The following C4orf36 variants were observed in gnomAD, a reference collection of about 807,000 sequenced individuals.
C4orf36 encodes uncharacterized protein C4orf36.
In C4orf36, 11 loss-of-function variants were observed where a neutral mutation model predicts 12.2. The observed-to-expected ratio is 0.90, with a 90% CI of 0.57 to 1.49. The LOEUF is 1.49. Among genes scored for constraint, C4orf36 ranks in the 40% most tolerant of loss-of-function variants. C4orf36 has a pLI of 0.00. For synonymous variants in C4orf36, 54 were observed against 51.3 expected (o/e 1.05, Z -0.22); for missense variants, 137 against 133.9 (o/e 1.02, Z -0.11).
the C4orf36 span, among the ~76,000 whole-genome samples, chr4:86,915,655 T>A: frequency 6.6e-6 from 1 of 152,062 alleles, no homozygotes; most frequent in East Asian, 1.9e-4. Flanking sequence ...GACATGGTGG[T>A]GCATGCCTGT....
the C4orf36 span, chr4:86,934,824 C>A: frequency 6.6e-6 from 1 of 152,234 alleles, no homozygotes; most frequent in Non-Finnish European, 1.5e-5. Context: ...AGCTGCCGCT[C>A]CCCCACGATC....
At chr4:86,878,115 T>TA (rs1181624444) in intron 4 of C4orf36, among the ~76,000 whole-genome samples, 6 of 151,946 alleles carry the variant, frequency 3.9e-5, no homozygotes, top group African/African-American at 7.3e-5. Flanking sequence ...TCAGATTCTC[T>TA]AAAAAAATTG....
At chr4:86,893,373 A>C (rs907168199), upstream of C4orf36, among the ~76,000 whole-genome samples, 2 of 152,164 alleles carry the variant, frequency 1.3e-5, no homozygotes, top group Non-Finnish European at 2.9e-5. Context: ...CACGAGGTCA[A>C]GGGGTTCGAG....
chr4:86,893,534 C>G (rs974605196), upstream of C4orf36, among the ~76,000 whole-genome samples: 1 of 150,948 alleles, frequency 6.6e-6, no homozygotes, highest in Non-Finnish European at 1.5e-5. Flanking sequence ...TGCAGTGAGC[C>G]GAGATGGCGC....
At chr4:86,900,971 T>C in the C4orf36 span, among the ~76,000 whole-genome samples, 1 of 150,818 alleles carries the variant, frequency 6.6e-6, no homozygotes, top group African/African-American at 2.4e-5. Flanking sequence ...TCTGCTCAAA[T>C]CCTGCAGTGG....
At position 86,888,227 on chromosome 4, in the gene C4orf36, GT is replaced by G. The variant is rs751364584; in HGVS notation, c.113del (p.Asn38ThrfsTer2). 3 of 1,614,022 alleles carry G rather than the reference GT, an allele frequency of 1.9e-6. No homozygotes were observed. The highest frequency in any genetic ancestry group is 3.3e-5 in the Admixed American group (2 of 60,008). Reference sequence around the variant, plus strand: ...AGAAAGGCAACTTGATATTGGCTAGGTTTGTGGACCAGGTCTTTGCAAGCAA... The same window carrying G: ...AGAAAGGCAACTTGATATTGGCTAGGTTGTGGACCAGGTCTTTGCAAGCAA... ...IALLAKTWST[N>X]LANIKLPFLE... On this transcript the variant is annotated frameshift_variant, in exon 3 of 5. Transcript: ENST00000295898. LOFTEE classifies it high-confidence loss of function.
At chr4:86,882,911 C>T (rs938341061) in intron 4 of C4orf36, among the ~76,000 whole-genome samples, 2 of 152,194 alleles carry the variant, frequency 1.3e-5, no homozygotes, top group African/African-American at 4.8e-5. Context: ...TGCCCTTTCC[C>T]TCTTCGAAGA....
At chr4:86,917,447 G>A in the C4orf36 span, among the ~76,000 whole-genome samples, 152 of 104,858 alleles carry the variant, frequency 1.4e-3, no homozygotes, top group Non-Finnish European at 2.3e-3. Context: ...GGGAGAGAAA[G>A]AGAAAAAGAA....
rs541374930 is a variant in C4orf36 at position 86,887,686 on chromosome 4, T to C, written c.*2+72A>G. The C allele has an allele frequency of 2.2e-5, 35 of 1,578,808 alleles. 1 individual carries two copies. Among genetic ancestry groups the C allele is most frequent in the Non-Finnish European group, 2.9e-5 (33 of 1,155,286 alleles). On this transcript the variant is annotated intron_variant, in intron 4 of 4. Coordinates refer to ENST00000295898, the MANE Select transcript of C4orf36 (RefSeq NM_144645.4). ...TCAAATATCTGCCCTGAACTATACA[T>C]AGTGAAAGGTCCAGAGACCTTCATG...
At chr4:86,893,864 TTTTATTTATTTA>T (rs147837409), upstream of C4orf36, among the ~76,000 whole-genome samples, 334 of 138,356 alleles carry the variant, frequency 2.4e-3, no homozygotes, top group South Asian at 3.6e-3. Context: ...TGGCCTGAAT[TTTTATTTATTTA>T]TTTATTTATT....
chr4:86,891,364 G>T, intron 2 of C4orf36, 92 bp downstream of exon 2: 1 of 1,191,234 alleles, frequency 8.4e-7, no homozygotes, highest in Non-Finnish European at 1.2e-6. Flanking sequence ...ATCTCATGGG[G>T]AGCACAGAGT....
chr4:86,889,934 C>T (rs1251294748), intron 2 of C4orf36: 2 of 388,630 alleles, frequency 5.1e-6, no homozygotes, highest in South Asian at 3.8e-5. Flanking sequence ...GTGGCTCATG[C>T]CTGTAATTCC....
the C4orf36 span, chr4:86,914,457 G>A: frequency 1.7e-6 from 1 of 584,296 alleles, no homozygotes; most frequent in Non-Finnish European, 2.9e-6. Context: ...CTGGAGTGCA[G>A]TGGCACGATC....
the C4orf36 span, chr4:86,914,651 G>A: frequency 8.1e-5 from 27 of 333,538 alleles, no homozygotes; most frequent in Non-Finnish European, 1.5e-4. Flanking sequence ...TCCACCTGCC[G>A]AGGCCTCTCA....
At chr4:86,909,422 G>A in the C4orf36 span, among the ~76,000 whole-genome samples, 23 of 152,120 alleles carry the variant, frequency 1.5e-4, no homozygotes, top group African/African-American at 5.1e-4. Flanking sequence ...ACAGCAAACC[G>A]GCTGCAGGAA....
At chr4:86,880,792 A>G (rs1195244340) in intron 4 of C4orf36, among the ~76,000 whole-genome samples, 2 of 152,232 alleles carry the variant, frequency 1.3e-5, no homozygotes, top group African/African-American at 4.8e-5. Context: ...CTGTAGTCCT[A>G]GCACTTTGGG....
chr4:86,876,728 A>G (rs1269527776), intron 4 of C4orf36: 21 of 1,551,450 alleles, frequency 1.4e-5, no homozygotes, highest in East Asian at 4.5e-5. Context: ...AATTTAGGAA[A>G]GTTCTCTGGC....
At position 86,891,468 on chromosome 4, in the gene C4orf36, C is replaced by T. The variant is rs11938345; in HGVS notation, c.53G>A (p.Ser18Asn). The T allele has an allele frequency of 6.7e-3, 10,784 of 1,613,640 alleles. 635 individuals are homozygous for T. In the African/African-American group the frequency reaches 0.13, roughly 19 times the overall value. ...KNTVKTILRGSCYNVQEPWDI... is the reference protein window; with the variant it reads ...KNTVKTILRGNCYNVQEPWDI... ...AAATAGTACTTACACATTATAACAA[C>T]TGCCCCGCAAAATGGTTTTCACTGT... The change falls in exon 2 of 5, where the codon AGT (serine) becomes AAT (asparagine). Residue 18 changes from serine to asparagine, a missense_variant. Ser to Asn is a conservative substitution (Grantham distance 46). Coordinates refer to ENST00000295898, the MANE Select transcript of C4orf36 (RefSeq NM_144645.4).
the C4orf36 span, among the ~76,000 whole-genome samples, chr4:86,909,077 C>G: frequency 6.6e-6 from 1 of 152,192 alleles, no homozygotes; most frequent in South Asian, 2.1e-4. Flanking sequence ...CTGTGTCCTT[C>G]TCCCATAGAA....
Sources: allele counts gnomAD v4.1 joint callset (sites outside exome capture counted in the v4.1 genomes callset), GRCh38; gene constraint gnomAD v4.1.1; transcripts MANE v1.5; gene names NCBI Gene and HGNC (gene_info 2026-07-23, HGNC 2026-07-21).